The following CACNG7 variants were observed in gnomAD, a reference collection of about 807,000 sequenced individuals.
CACNG7 encodes calcium voltage-gated channel auxiliary subunit gamma 7.
CACNG7 carries 9 observed loss-of-function variants against 26.3 expected under a neutral mutation model. The ratio of observed to expected loss-of-function variants is 0.34; its 90% CI spans 0.21 to 0.60. The LOEUF is 0.60. Ranked by LOEUF, CACNG7 falls within the 20% of genes least tolerant of loss-of-function variation. The pLI, the probability that CACNG7 is intolerant of heterozygous loss-of-function variation, is 0.81. For synonymous variants in CACNG7, 170 were observed against 157.0 expected, an observed-to-expected ratio of 1.08 and a Z score of -0.62; for missense variants, 297 against 380.4, an observed-to-expected ratio of 0.78 and a Z score of 1.82.
At chr19:53,924,900 T>C (rs538698558) in intron 4 of CACNG7, among the ~76,000 whole-genome samples, 3 of 129,848 alleles carry the variant, frequency 2.3e-5, no homozygotes, top group East Asian at 2.6e-4. Context: ...TTGCCCCAGG[T>C]CTGGTCATTG....
intron 4 of CACNG7, among the ~76,000 whole-genome samples, chr19:53,922,270 A>G: frequency 1.1e-5 from 1 of 91,926 alleles, no homozygotes; most frequent in African/African-American, 5.9e-5. Context: ...AGGTCTGGTC[A>G]TTGGTGCAGT....
At chr19:53,921,625 G>C (rs2068954042) in intron 4 of CACNG7, among the ~76,000 whole-genome samples, 1 of 88,470 alleles carries the variant, frequency 1.1e-5, no homozygotes, top group African/African-American at 7.6e-5. Context: ...CTGGTCATTG[G>C]TGGAGTCGTC....
At chr19:53,937,792 C>T (rs569236054) in intron 4 of CACNG7, among the ~76,000 whole-genome samples, 3 of 151,984 alleles carry the variant, frequency 2.0e-5, no homozygotes, top group Admixed American at 6.6e-5. Context: ...GGTTTCACCA[C>T]GGTGGCCAGG....
intron 4 of CACNG7, among the ~76,000 whole-genome samples, chr19:53,924,058 A>G (rs1599983323): frequency 9.0e-6 from 1 of 111,714 alleles, no homozygotes; most frequent in Non-Finnish European, 1.7e-5. Flanking sequence ...TCATTGGTGG[A>G]GTTGTCCCCA....
chr19:53,914,463 C>A (rs2068882028), intron 2 of CACNG7, 37 bp from the exon 3 acceptor site: 4 of 1,583,016 alleles, frequency 2.5e-6, no homozygotes, highest in Admixed American at 1.7e-5. Flanking sequence ...AGCTTAGGAG[C>A]CTCTCATCCA....
chr19:53,925,217 G>T lies in CACNG7; in HGVS notation c.424+9712G>T, dbSNP rs146021208. ...CTGGTCATTGGTGGACTTGCCCCAG[G>T]CTGGTCATTGGCGGACTTGCCCCAG... On this transcript the variant is annotated intron_variant, in intron 4 of 5. Coordinates refer to ENST00000391767, the MANE Select transcript of CACNG7 (RefSeq NM_031896.5). Among the ~76,000 whole-genome samples the T allele has an allele frequency of 9.7e-3, 1,377 of 142,226 alleles. 72 individuals are homozygous for T. Among genetic ancestry groups the T allele is most frequent in the African/African-American group, 0.036 (1,261 of 35,206 alleles). The allele number at this position is 142,226 out of a possible 152,430, so 93.3% of individuals were successfully genotyped here. A position where few individuals can be genotyped will look rare whatever the true frequency, so the allele number is the denominator to read the frequency against.
rs1445739548 is a variant in CACNG7 at position 53,912,242 on chromosome 19, C to T, written c.-29-561C>T. Among the ~76,000 whole-genome samples, 1 of 152,108 alleles carries T rather than the reference C, an allele frequency of 6.6e-6. No homozygotes were observed. The highest frequency in any genetic ancestry group is 2.4e-5 in the African/African-American group (1 of 41,406). On this transcript the variant is annotated intron_variant, in intron 1 of 5. Transcript: ENST00000391767. The surrounding 1 kb of genome is among the most constrained non-coding windows in gnomAD (Gnocchi z 4.6). ...TCACAACCGGGGGCTTCGATCGTCA[C>T]ACAGAGACAGGGCTGCAGGATGCCA... is the stretch of plus-strand genomic sequence containing the variant.
At chr19:53,920,023 G>C (rs2068928781) in intron 4 of CACNG7, among the ~76,000 whole-genome samples, 1 of 130,044 alleles carries the variant, frequency 7.7e-6, no homozygotes, top group South Asian at 2.5e-4. Context: ...CTGGTCATTG[G>C]TGGACTTGCC....
chr19:53,937,594 C>T (rs1351735857), intron 4 of CACNG7, among the ~76,000 whole-genome samples: 1 of 144,172 alleles, frequency 6.9e-6, no homozygotes, highest in Non-Finnish European at 1.5e-5. Flanking sequence ...CTCCCCTCCC[C>T]TCCCCTCCCC....
Position 53,915,465 on chromosome 19 carries a change from C to G in CACNG7, c.384C>G (p.Thr128=), listed in dbSNP as rs139985451. 3.7e-6 allele frequency: 6 copies of G among 1,614,024 alleles called. No individual in the cohort carries two copies. The African/African-American group carries it at 6.7e-5, about 18-fold the overall frequency. Residue 128 remains threonine (T), a synonymous_variant, in exon 4 of 6, where the codon ACC becomes ACG. Transcript: ENST00000391767. ...TCGGCCACATCCGCCCGCAGAGGACCATTCTGGCTTTTGTCTCTGGCATCT... is the reference window on the plus strand; with the variant it reads ...TCGGCCACATCCGCCCGCAGAGGACGATTCTGGCTTTTGTCTCTGGCATCT... ...SNIGHIRPQR[T]ILAFVSGIFF...
At chr19:53,918,855 G>A (rs774046308) in intron 4 of CACNG7, among the ~76,000 whole-genome samples, 27 of 152,140 alleles carry the variant, frequency 1.8e-4, no homozygotes, top group Non-Finnish European at 2.9e-4. Context: ...TGCAACCTCC[G>A]CGTCCCAGGT....
chr19:53,938,611 T>A (rs969887735), intron 4 of CACNG7, among the ~76,000 whole-genome samples: 1 of 152,054 alleles, frequency 6.6e-6, no homozygotes, highest in Non-Finnish European at 1.5e-5. Flanking sequence ...TGTTCCACTA[T>A]CATTTGTAGA....
At chr19:53,930,212 T>A (rs567484068) in intron 4 of CACNG7, among the ~76,000 whole-genome samples, 2,056 of 125,800 alleles carry the variant, frequency 0.016, 41 homozygotes, top group African/African-American at 0.09. Context: ...ACCTCACCAT[T>A]TTTTTTTTTT....
chr19:53,941,509 G>T lies in CACNG7; in HGVS notation c.464G>T (p.Ser155Ile). Residue 155 changes from serine to isoleucine, a missense_variant, in exon 5 of 6, where the codon AGC (serine) becomes ATC (isoleucine). Physicochemically the swap from Ser to Ile is moderately radical, Grantham distance 142. Transcript: ENST00000391767. ...GTGGGCTTGGTTCTTTACATCTCCA[G>T]CATCAACGACGAGGTCATGAACAGG... ...LVVGLVLYISSINDEVMNRPS... is the reference protein window; with the variant it reads ...LVVGLVLYISIINDEVMNRPS... 1 of 1,596,932 alleles carries T rather than the reference G, an allele frequency of 6.3e-7. No homozygotes were observed. The highest frequency in any genetic ancestry group is 8.5e-7 in the Non-Finnish European group (1 of 1,173,962).
Position 53,919,447 on chromosome 19 carries a change from G to C in CACNG7, c.424+3942G>C, listed in dbSNP as rs76512933. On this transcript the variant is annotated intron_variant, in intron 4 of 5. Transcript: ENST00000391767. Reference sequence around the variant, plus strand: ...TTGCCCCAGGCTGGTCATTGGTGGAGTTGCCCCAGGCTGGTCATTGGTGGA... The same window carrying C: ...TTGCCCCAGGCTGGTCATTGGTGGACTTGCCCCAGGCTGGTCATTGGTGGA... Among the ~76,000 whole-genome samples, 182 of 148,968 alleles carry C rather than the reference G, an allele frequency of 1.2e-3. 1 individual carries two copies. Among genetic ancestry groups the C allele is most frequent in the Non-Finnish European group, 1.9e-3 (128 of 67,116 alleles).
At chr19:53,913,598 A>G (rs1599963961) in intron 2 of CACNG7, among the ~76,000 whole-genome samples, 2 of 152,016 alleles carry the variant, frequency 1.3e-5, no homozygotes, top group East Asian at 3.9e-4. Flanking sequence ...ACTGCGCTCC[A>G]GCCTAGGAGA....
chr19:53,913,195 T>C (rs1328507317), intron 2 of CACNG7, among the ~76,000 whole-genome samples, 168 bp downstream of exon 2: 1 of 152,084 alleles, frequency 6.6e-6, no homozygotes, highest in Non-Finnish European at 1.5e-5. Flanking sequence ...CCTTTATTCC[T>C]GGATCTAGGA....
At chr19:53,941,440 T>C (rs2069136698) in intron 4 of CACNG7, 30 bp from the exon 5 acceptor site, 8 of 1,495,708 alleles carry the variant, frequency 5.3e-6, no homozygotes, top group East Asian at 5.1e-5. Flanking sequence ...CCACTTCTAA[T>C]GGACGAGGGC....
chr19:53,927,152 T>C (rs1349977302), intron 4 of CACNG7, among the ~76,000 whole-genome samples: 2 of 151,904 alleles, frequency 1.3e-5, no homozygotes, highest in Non-Finnish European at 2.9e-5. Flanking sequence ...ACCCCTGACC[T>C]CAAGTGATCC....
Sources: gnomAD v4.1 joint callset for allele counts (sites outside exome capture counted in the v4.1 genomes callset) on GRCh38, gnomAD v4.1.1 for gene constraint, Gnocchi (gnomAD v3.1) non-coding constraint, MANE v1.5 for transcripts, NCBI Gene and HGNC (gene_info 2026-07-23, HGNC 2026-07-21) for gene names.